IRS2: variants seen among roughly 807,000 people sequenced by gnomAD.
The protein encoded by IRS2 is insulin receptor substrate 2.
Under a neutral mutation model 70.9 loss-of-function variants are expected in IRS2, and 28 were observed. The observed-to-expected ratio is 0.39, with a 90% confidence interval of 0.29 to 0.54. The LOEUF is 0.54. IRS2 is among the 20% of genes least tolerant of loss of function. IRS2 has a pLI of 0.59. For synonymous variants in IRS2, 1,217 were observed against 981.9 expected (o/e 1.24, Z -4.48); for missense variants, 2,081 against 2,024.1 (o/e 1.03, Z -0.54).
intron 1 of IRS2, among the ~76,000 whole-genome samples, chr13:109,772,193 G>A (rs758399698): frequency 6.6e-6 from 1 of 152,204 alleles, no homozygotes; most frequent in Non-Finnish European, 1.5e-5. Context: ...GAATTCACGT[G>A]GTCAGATGGT....
chr13:109,753,196 G>C lies in IRS2; in HGVS notation c.*3108C>G, dbSNP rs1877029987. On this transcript the variant is annotated 3_prime_UTR_variant, in exon 2 of 2. Transcript: ENST00000375856. ...GGCTTGTCTCGAACTCCTGACCTCA[G>C]GTGATCTGCCTGCCTCAGCCTCCCA... is the stretch of plus-strand genomic sequence containing the variant. The C allele has an allele frequency of 1.3e-5, 2 of 152,112 alleles. No homozygotes were observed. Among genetic ancestry groups the C allele is most frequent in the African/African-American group, 2.4e-5 (1 of 41,370 alleles). The allele number at this position is 152,112 out of a possible 1,614,324, so 9.4% of individuals were successfully genotyped here.
chr13:109,754,905 A>G lies in IRS2; in HGVS notation c.*1399T>C, dbSNP rs767181836. 4.6e-6 allele frequency: 1 copy of G among 215,318 alleles called. No homozygotes were observed. Among genetic ancestry groups the G allele is most frequent in the Non-Finnish European group, 9.4e-6 (1 of 106,864 alleles). The allele number at this position is 215,318 out of a possible 1,614,324, so 13.3% of individuals were successfully genotyped here. A position where few individuals can be genotyped will look rare whatever the true frequency, so the allele number is the denominator to read the frequency against. On this transcript the variant is annotated 3_prime_UTR_variant, in exon 2 of 2. Coordinates refer to ENST00000375856, the MANE Select transcript of IRS2 (RefSeq NM_003749.3). ...TCCAATGAATTAGTGTAACCTCTCC[A>G]TGACTATCAGAGAAGATAGGCACTG...
intron 1 of IRS2, among the ~76,000 whole-genome samples, chr13:109,766,875 C>T (rs1198173729): frequency 1.3e-5 from 2 of 152,274 alleles, no homozygotes; most frequent in African/African-American, 4.8e-5. Flanking sequence ...TATTCAGTTA[C>T]TGCACATGCC....
chr13:109,780,998 C>T (rs1877683557), intron 1 of IRS2, among the ~76,000 whole-genome samples: 1 of 152,164 alleles, frequency 6.6e-6, no homozygotes, highest in Non-Finnish European at 1.5e-5. Flanking sequence ...ACCCTCCTAT[C>T]CAATTGTTCT....
rs1347400512 is a variant in IRS2, at chr13:109,784,809, C to G, written c.1245G>C (p.Lys415Asn). Reference protein sequence around the residue: ...LSGGCGGRGSKVALLPAGGAL... With the variant: ...LSGGCGGRGSNVALLPAGGAL... Reference sequence around the variant, plus strand: ...CGCCCCCTGCCGGCAGCAGCGCCACCTTGCTCCCGCGGCCGCCGCAGCCGC... The same window carrying G: ...CGCCCCCTGCCGGCAGCAGCGCCACGTTGCTCCCGCGGCCGCCGCAGCCGC... Residue 415 changes from lysine to asparagine, a missense_variant, in exon 1 of 2, where the codon AAG (lysine) becomes AAC (asparagine). By Grantham distance (94) the Lys-to-Asn change is moderately conservative. This residue lies in a region of IRS2 where 1,615 missense variants were observed against 1,459.5 expected (regional missense o/e 1.11). Coordinates refer to ENST00000375856, the MANE Select transcript of IRS2 (RefSeq NM_003749.3). This position sits in a 1 kb window ranked among gnomAD's most constrained non-coding sequence, Gnocchi z 5.2. The G allele has an allele frequency of 1.6e-6, 2 of 1,275,182 alleles. No individual in the cohort carries two copies. The highest frequency in any genetic ancestry group is 3.1e-5 in the African/African-American group (2 of 63,816). The allele number at this position is 1,275,182 out of a possible 1,614,324, so 79.0% of individuals were successfully genotyped here.
Position 109,782,698 on chromosome 13 carries a change from G to T in IRS2, c.3356C>A (p.Ala1119Asp). Residue 1119 changes from alanine (A) to aspartate (D), a missense_variant, in exon 1 of 2, where the codon GCC (alanine) becomes GAC (aspartate). This residue lies in a region of IRS2 where 1,615 missense variants were observed against 1,459.5 expected (regional missense o/e 1.11). Transcript: ENST00000375856. ...CGGGGGCTGGCTGGCCTGCAGGAAG[G>T]CCTCGACTCCCGACACCTGCTCCAT... is the stretch of plus-strand genomic sequence containing the variant. ...SLMEQVSGVE[A>D]FLQASQPPDP... 1 of 1,585,994 alleles carries T rather than the reference G, an allele frequency of 6.3e-7. No individual in the cohort carries two copies. The highest frequency in any genetic ancestry group is 8.6e-7 in the Non-Finnish European group (1 of 1,167,580).
chr13:109,783,969 G>C lies in IRS2; in HGVS notation c.2085C>G (p.Ala695=), dbSNP rs61962699. 3 of 1,514,428 alleles carry C rather than the reference G, an allele frequency of 2.0e-6. No individual in the cohort carries two copies. The highest frequency in any genetic ancestry group is 2.6e-6 in the Non-Finnish European group (3 of 1,137,744). 93.8% of individuals were successfully genotyped at this position (1,514,428 alleles called of 1,614,324 possible). Residue 695 remains alanine, a synonymous_variant, in exon 1 of 2, where the codon GCC becomes GCG. Transcript: ENST00000375856. ...AAGGCACGGCGGCGGCGGCGGCGGC[G>C]GCGGCCCTGGGCTGCAAGATCTGCT... ...APKQILQPRA[A]AAAAAAVPSA...
intron 1 of IRS2, among the ~76,000 whole-genome samples, chr13:109,780,170 G>C (rs573501041): frequency 2.3e-3 from 343 of 152,306 alleles, no homozygotes; most frequent in Non-Finnish European, 4.1e-3. Flanking sequence ...GCTGTTTTCT[G>C]ATTAGAATCA....
chr13:109,761,577 C>T (rs569255750), intron 1 of IRS2, among the ~76,000 whole-genome samples: 5 of 142,710 alleles, frequency 3.5e-5, no homozygotes, highest in African/African-American at 1.3e-4. Flanking sequence ...AAGCAAGACA[C>T]TCTAAGAACA....
In IRS2 at chr13:109,785,550, G is replaced by A. The variant is rs1180608417; in HGVS notation, c.504C>T (p.Pro168=). ...CGCCGGCAGAGCCGCCCAGGGCGCC[G>A]GGCAGGGAGGCGCTGCAGGACGCGG... ...APAASCSASL[P]GALGGSAGAA... Residue 168 remains proline, a synonymous_variant, in exon 1 of 2, where the codon CCC becomes CCT. Coordinates refer to ENST00000375856, the MANE Select transcript of IRS2 (RefSeq NM_003749.3). This position sits in a 1 kb window ranked among gnomAD's most constrained non-coding sequence, Gnocchi z 9.3. 2 of 1,504,382 alleles carry A rather than the reference G, an allele frequency of 1.3e-6. No homozygotes were observed. The highest frequency in any genetic ancestry group is 1.4e-5 in the African/African-American group (1 of 70,418). The allele number at this position is 1,504,382 out of a possible 1,614,324, so 93.2% of individuals were successfully genotyped here.
chr13:109,776,298 T>G (rs1409794233), intron 1 of IRS2, among the ~76,000 whole-genome samples: 1 of 152,248 alleles, frequency 6.6e-6, no homozygotes, highest in African/African-American at 2.4e-5. Flanking sequence ...TTATAAACCT[T>G]GTGTATATAG....
Position 109,783,471 on chromosome 13 carries a change from G to A in IRS2, c.2583C>T (p.Pro861=). Residue 861 remains proline, a synonymous_variant, in exon 1 of 2, where the codon CCC becomes CCT. Transcript: ENST00000375856. The stretch of plus-strand genomic sequence containing the variant: ...CGGGCGAAGGCACTACAGGGTGAGG[G>A]GGCTGCGTGGGGCCGGCCCCGAAGG... ...ASAFGAGPTQ[P]PHPVVPSPVR... 2 of 1,540,446 alleles carry A rather than the reference G, an allele frequency of 1.3e-6. No homozygotes were observed. The highest frequency in any genetic ancestry group is 8.7e-7 in the Non-Finnish European group (1 of 1,145,578).
rs779681200 is a variant in IRS2 at position 109,784,393 on chromosome 13, C to A, written c.1661G>T (p.Arg554Leu). The change falls in exon 1 of 2, where the codon CGC (arginine) becomes CTC (leucine). Residue 554 changes from arginine (R) to leucine (L), a missense_variant. By Grantham distance (102) the Arg-to-Leu change is moderately radical. Transcript: ENST00000375856. The surrounding 1 kb of genome is among the most constrained non-coding windows in gnomAD (Gnocchi z 5.2). Reference protein sequence around the residue: ...TMDRPLSHCGRSYRRVSGDAA... With the variant: ...TMDRPLSHCGLSYRRVSGDAA... ...GTCCCCCGAGACCCGGCGGTAGGAG[C>A]GGCCACAGTGGCTCAGGGGCCTGTC... 6 of 1,610,486 alleles carry A rather than the reference C, an allele frequency of 3.7e-6. No individual in the cohort carries two copies. The South Asian group carries it at 6.6e-5, about 18-fold the overall frequency.
At position 109,782,620 on chromosome 13, in the gene IRS2, C is replaced by T. The variant is rs1440534851; in HGVS notation, c.3434G>A (p.Arg1145His). The T allele has an allele frequency of 1.9e-6, 3 of 1,577,352 alleles. No homozygotes were observed. Among genetic ancestry groups the T allele is most frequent in the Non-Finnish European group, 2.6e-6 (3 of 1,163,006 alleles). ...GGAGAAGGTCTCGGAACTGTGGCGG[C>T]GGCGGCCCCCCTGCGGGTCTGCGCG... ...VIRADPQGGRRRHSSETFSST... is the reference protein window; with the variant it reads ...VIRADPQGGRHRHSSETFSST... The change falls in exon 1 of 2, where the codon CGC becomes CAC. Residue 1145 changes from arginine to histidine, a missense_variant. By Grantham distance (29) the Arg-to-His change is conservative. This residue lies in a region of IRS2 where 1,615 missense variants were observed against 1,459.5 expected (regional missense o/e 1.11). Coordinates refer to ENST00000375856, the MANE Select transcript of IRS2 (RefSeq NM_003749.3).
At chr13:109,776,504 T>C (rs1468287578) in intron 1 of IRS2, among the ~76,000 whole-genome samples, 4 of 152,232 alleles carry the variant, frequency 2.6e-5, no homozygotes, top group African/African-American at 4.8e-5. Flanking sequence ...TAAGTTTTAA[T>C]CCAATCTATT....
At position 109,784,423 on chromosome 13, in the gene IRS2, G is replaced by A; in HGVS notation, c.1631C>T (p.Thr544Ile). 2 of 1,607,362 alleles carry A rather than the reference G, an allele frequency of 1.2e-6. No individual in the cohort carries two copies. Among genetic ancestry groups the A allele is most frequent in the South Asian group, 1.1e-5 (1 of 90,934 alleles). ...GGGGEFYGYM[T>I]MDRPLSHCGR... ...ACAGTGGCTCAGGGGCCTGTCCATG[G>A]TCATGTACCCGTAGAACTCACCGCC... Residue 544 changes from threonine (T) to isoleucine (I), a missense_variant, in exon 1 of 2, where the codon ACC (threonine) becomes ATC (isoleucine). By Grantham distance (89) the Thr-to-Ile change is moderately conservative. Coordinates refer to ENST00000375856, the MANE Select transcript of IRS2 (RefSeq NM_003749.3). This position sits in a 1 kb window ranked among gnomAD's most constrained non-coding sequence, Gnocchi z 5.2.
chr13:109,761,589 G>GAA lies in IRS2; in HGVS notation c.4013-5283_4013-5282dup, dbSNP rs59128444. ...CTAAAGCAAGACACTCTAAGAACAT[G>GAA]AAAAAAAAAAAAAGGTAAGGTTGGG... is the stretch of plus-strand genomic sequence containing the variant. On this transcript the variant is annotated intron_variant, in intron 1 of 1. Transcript: ENST00000375856. 4.8e-4 allele frequency among the ~76,000 whole-genome samples: 63 copies of GAA among 131,866 alleles called. 1 individual carries two copies. In the East Asian group the frequency reaches 6.7e-3, roughly 14 times the overall value. The allele number at this position is 131,866 out of a possible 152,430, so 86.5% of individuals were successfully genotyped here.
rs1323207797 is a variant in IRS2, at chr13:109,779,047, T to C, written c.4012+2995A>G. ...TAAGTAACCTTAACCTGCCCTCAAATAAGATGCATAATTTTGAGTTTGCTC... is the reference window on the plus strand; with the variant it reads ...TAAGTAACCTTAACCTGCCCTCAAACAAGATGCATAATTTTGAGTTTGCTC... On this transcript the variant is annotated intron_variant, in intron 1 of 1. Transcript: ENST00000375856. Among the ~76,000 whole-genome samples, 3 of 152,248 alleles carry C rather than the reference T, an allele frequency of 2.0e-5. No individual in the cohort carries two copies. In the East Asian group the frequency reaches 5.8e-4, roughly 29 times the overall value.
At position 109,784,631 on chromosome 13, in the gene IRS2, G is replaced by A; in HGVS notation, c.1423C>T (p.His475Tyr). ...PHPPLPHPLH[H>Y]GPGQRPSSGS... ...CTGGAGGGCCGCTGGCCGGGGCCGT[G>A]GTGCAGCGGATGCGGCAGAGGCGGG... Residue 475 changes from histidine (H) to tyrosine (Y), a missense_variant, in exon 1 of 2, where the codon CAC (histidine) becomes TAC (tyrosine). Coordinates refer to ENST00000375856, the MANE Select transcript of IRS2 (RefSeq NM_003749.3). This position sits in a 1 kb window ranked among gnomAD's most constrained non-coding sequence, Gnocchi z 5.2. 7.6e-7 allele frequency: 1 copy of A among 1,310,044 alleles called. No individual in the cohort carries two copies. Among genetic ancestry groups the A allele is most frequent in the Non-Finnish European group, 9.7e-7 (1 of 1,034,322 alleles). 81.2% of individuals were successfully genotyped at this position (1,310,044 alleles called of 1,614,324 possible). A position where few individuals can be genotyped will look rare whatever the true frequency, so the allele number is the denominator to read the frequency against.
Sources: gnomAD v4.1 joint callset for allele counts (sites outside exome capture counted in the v4.1 genomes callset) on GRCh38, gnomAD v4.1.1 for gene constraint, gnomAD v4.1.1 regional missense constraint, Gnocchi (gnomAD v3.1) non-coding constraint, MANE v1.5 for transcripts, NCBI Gene and HGNC (gene_info 2026-07-23, HGNC 2026-07-21) for gene names.